CRTAP: variants seen among roughly 807,000 people sequenced by gnomAD.
CRTAP encodes cartilage associated protein.
A neutral mutation model predicts 42.7 loss-of-function variants in CRTAP; 33 were observed. The ratio of observed to expected loss-of-function variants is 0.77; its 90% confidence interval spans 0.59 to 1.03. The LOEUF is 1.03. Among genes scored for constraint, CRTAP ranks in the 50% least tolerant of loss-of-function variants. The probability of loss-of-function intolerance (pLI) is 0.00; values close to 1 mark genes in which losing one functional copy is unlikely to be tolerated. For synonymous variants in CRTAP, 243 were observed against 217.7 expected, an observed-to-expected ratio of 1.12 and a Z score of -1.02; for missense variants, 613 against 533.9, an observed-to-expected ratio of 1.15 and a Z score of -1.46.
In CRTAP at chr3:33,124,511, A is replaced by G; in HGVS notation, c.725A>G (p.Glu242Gly). The change falls in exon 3 of 7, where the codon GAG becomes GGG. Residue 242 changes from glutamate (E) to glycine (G), a missense_variant. Coordinates refer to ENST00000320954, the MANE Select transcript of CRTAP (RefSeq NM_006371.5). ...ALPDFFKAFYECLAACEGSRE... is the reference protein window; with the variant it reads ...ALPDFFKAFYGCLAACEGSRE... ...CCCGACTTCTTCAAAGCCTTTTACGAGTGTCTCGCAGCCTGCGAGGGTTCC... is the reference window on the plus strand; with the variant it reads ...CCCGACTTCTTCAAAGCCTTTTACGGGTGTCTCGCAGCCTGCGAGGGTTCC... The G allele has an allele frequency of 6.2e-7, 1 of 1,614,174 alleles. No homozygotes were observed. Among genetic ancestry groups the G allele is most frequent in the Non-Finnish European group, 8.5e-7 (1 of 1,180,040 alleles).
rs551366449 is a variant in CRTAP, at chr3:33,126,456, A to G, written c.793+1877A>G. 3.9e-4 allele frequency among the ~76,000 whole-genome samples: 60 copies of G among 152,174 alleles called. No individual in the cohort carries two copies. In the South Asian group the frequency reaches 0.012, roughly 29 times the overall value. ...CTTCTGTATTTCTTGTAAATCGGTA[A>G]TTGGATGTAGAGGCTTGAACAGGCT... On this transcript the variant is annotated intron_variant, in intron 3 of 6. Coordinates refer to ENST00000320954, the MANE Select transcript of CRTAP (RefSeq NM_006371.5).
intron 6 of CRTAP, among the ~76,000 whole-genome samples, chr3:33,136,397 G>GT (rs1430627965): frequency 6.6e-6 from 1 of 152,144 alleles, no homozygotes; most frequent in African/African-American, 2.4e-5. Flanking sequence ...AAGCTTTCCA[G>GT]TTTTTTATAC....
At chr3:33,133,546 C>T (rs2030334590) in intron 5 of CRTAP, among the ~76,000 whole-genome samples, 1 of 152,106 alleles carries the variant, frequency 6.6e-6, no homozygotes, top group Non-Finnish European at 1.5e-5. Flanking sequence ...CCACTGCGCC[C>T]AGCCTGTGCC....
In CRTAP at chr3:33,147,478, A is replaced by G. The variant is rs1040961493; in HGVS notation, c.*5030A>G. On this transcript the variant is annotated 3_prime_UTR_variant, in exon 7 of 7. Transcript: ENST00000320954. ...GAATGAATGAGTGAGTTGGCTCTAT[A>G]TCCCCTTGGAGCTGGCCGGTAAGAT... 6.6e-6 allele frequency: 1 copy of G among 152,456 alleles called. No homozygotes were observed. The highest frequency in any genetic ancestry group is 1.5e-5 in the Non-Finnish European group (1 of 68,062). The allele number at this position is 152,456 out of a possible 1,614,324, so 9.4% of individuals were successfully genotyped here.
intron 6 of CRTAP, among the ~76,000 whole-genome samples, chr3:33,141,853 G>A (rs1323610177): frequency 1.1e-4 from 17 of 152,224 alleles, no homozygotes; most frequent in Admixed American, 1.1e-3. Context: ...CACTATCCCT[G>A]TGTGTCTCTC....
chr3:33,129,784 G>A (rs576771655), intron 3 of CRTAP, among the ~76,000 whole-genome samples, 155 bp from the exon 4 acceptor site: 61 of 152,140 alleles, frequency 4.0e-4, no homozygotes, highest in South Asian at 1.5e-3. Flanking sequence ...TGATTCGCCC[G>A]CCTCAGCCTC....
intron 6 of CRTAP, among the ~76,000 whole-genome samples, chr3:33,136,882 G>A (rs1334448287): frequency 6.6e-6 from 1 of 152,066 alleles, no homozygotes; most frequent in Non-Finnish European, 1.5e-5. Flanking sequence ...CATGAGATTT[G>A]GAGGGGACAT....
At chr3:33,117,960 C>G (rs1348014831) in intron 1 of CRTAP, among the ~76,000 whole-genome samples, 2 of 146,650 alleles carry the variant, frequency 1.4e-5, no homozygotes, top group African/African-American at 2.5e-5. Flanking sequence ...TCCTTTCTTT[C>G]TTTCTTTCTT....
intron 1 of CRTAP, among the ~76,000 whole-genome samples, chr3:33,115,924 A>G (rs1238113763): frequency 2.2e-5 from 3 of 136,726 alleles, no homozygotes; most frequent in African/African-American, 3.6e-5. Context: ...TCTGGCAATT[A>G]AAAAAAAACA....
chr3:33,128,097 C>T (rs1368733283), intron 3 of CRTAP, among the ~76,000 whole-genome samples: 1 of 152,118 alleles, frequency 6.6e-6, no homozygotes, highest in African/African-American at 2.4e-5. Flanking sequence ...GTTGCACATG[C>T]ATTATTACTC....
At chr3:33,139,510 C>T (rs2030515135) in intron 6 of CRTAP, among the ~76,000 whole-genome samples, 2 of 139,798 alleles carry the variant, frequency 1.4e-5, no homozygotes, top group African/African-American at 5.4e-5. Context: ...GAGTTTCACT[C>T]TTGTTGCCTA....
At chr3:33,137,341 A>G (rs2030451373) in intron 6 of CRTAP, among the ~76,000 whole-genome samples, 1 of 152,112 alleles carries the variant, frequency 6.6e-6, no homozygotes, top group South Asian at 2.1e-4. Flanking sequence ...GAGTTTCACT[A>G]TGTTGGCCAG....
intron 6 of CRTAP, among the ~76,000 whole-genome samples, chr3:33,140,577 C>T (rs2030544944): frequency 6.6e-6 from 1 of 152,192 alleles, no homozygotes; most frequent in Non-Finnish European, 1.5e-5. Flanking sequence ...TGGCATTCTT[C>T]CTTATTATCT....
Position 33,137,919 on chromosome 3 carries a change from A to G in CRTAP, c.1152+3654A>G, listed in dbSNP as rs545563488. On this transcript the variant is annotated intron_variant, in intron 6 of 6. Coordinates refer to ENST00000320954, the MANE Select transcript of CRTAP (RefSeq NM_006371.5). The stretch of plus-strand genomic sequence containing the variant: ...TAGTTTCATTCTCTTGCATGTGAAT[A>G]GCCAGTTGTTACAGCACTATTTGTT... Among the ~76,000 whole-genome samples, 28 of 152,350 alleles carry G rather than the reference A, an allele frequency of 1.8e-4. No individual in the cohort carries two copies. The South Asian group carries it at 5.2e-3, about 28-fold the overall frequency.
rs774949288 is a variant in CRTAP, at chr3:33,114,282, A to G, written c.205A>G (p.Ile69Val). Residue 69 changes from isoleucine (I) to valine (V), a missense_variant, in exon 1 of 7, where the codon ATC (isoleucine) becomes GTC (valine). By Grantham distance (29) the Ile-to-Val change is conservative. Coordinates refer to ENST00000320954, the MANE Select transcript of CRTAP (RefSeq NM_006371.5). ...HWAESVGYLE[I>V]SLRLHRLLRD... ...GGCCGAGAGCGTGGGCTACCTGGAG[A>G]TCAGCCTGCGGCTGCACCGCTTGCT... 6.3e-7 allele frequency: 1 copy of G among 1,577,878 alleles called. No homozygotes were observed. Among genetic ancestry groups the G allele is most frequent in the East Asian group, 2.3e-5 (1 of 43,190 alleles).
intron 6 of CRTAP, among the ~76,000 whole-genome samples, chr3:33,135,206 G>A (rs894538943): frequency 2.6e-5 from 4 of 152,208 alleles, no homozygotes; most frequent in Non-Finnish European, 5.9e-5. Flanking sequence ...CAATGCCTAT[G>A]TCTTGGTTTG....
rs2125596063 is a variant in CRTAP, at chr3:33,114,434, C to T, written c.357C>T (p.Leu119=). 1.3e-6 allele frequency: 2 copies of T among 1,568,188 alleles called. No individual in the cohort carries two copies. Among genetic ancestry groups the T allele is most frequent in the Non-Finnish European group, 1.7e-6 (2 of 1,159,868 alleles). The change falls in exon 1 of 7, where the codon CTC becomes CTT. Residue 119 remains leucine (L), a synonymous_variant. Coordinates refer to ENST00000320954, the MANE Select transcript of CRTAP (RefSeq NM_006371.5). ...FGGLLRRAHC[L]KRCKQGLPAF... is the part of the protein sequence containing the mutation. ...GCCTGCTGCGCCGCGCGCACTGCCT[C>T]AAGCGCTGCAAGCAGGGCCTGCCAG...
chr3:33,134,023 G>A lies in CRTAP; in HGVS notation c.1069-159G>A, dbSNP rs188231975. On this transcript the variant is annotated intron_variant, in intron 5 of 6. Transcript: ENST00000320954. ...TCACCTTTTTAAAGTGTACAATTCA[G>A]TGGTTGTTAGTATATTCAGAGTTGT... 1.6e-3 allele frequency among the ~76,000 whole-genome samples: 239 copies of A among 152,292 alleles called. 5 individuals are homozygous for A. The South Asian group carries it at 0.037, about 24-fold the overall frequency.
At chr3:33,138,930 G>A (rs1360761395) in intron 6 of CRTAP, among the ~76,000 whole-genome samples, 1 of 152,074 alleles carries the variant, frequency 6.6e-6, no homozygotes, top group Non-Finnish European at 1.5e-5. Flanking sequence ...ATCACCTGAG[G>A]TCGGGAGTTT....
Sources: gnomAD v4.1 joint callset for allele counts (sites outside exome capture counted in the v4.1 genomes callset) on GRCh38, gnomAD v4.1.1 for gene constraint, MANE v1.5 for transcripts, NCBI Gene and HGNC (gene_info 2026-07-23, HGNC 2026-07-21) for gene names.